The following COL19A1 variants were observed in gnomAD, a reference collection of about 807,000 sequenced individuals.
COL19A1 encodes collagen type XIX alpha 1 chain, also known as collagen alpha-1(XIX) chain.
In COL19A1, 159 loss-of-function variants were observed where a neutral mutation model predicts 190.2. The observed-to-expected ratio is 0.84, with a 90% CI of 0.73 to 0.95. The LOEUF (loss-of-function observed/expected upper bound fraction) is 0.95, where lower values mean the gene tolerates loss of function less well. Among genes scored for constraint, COL19A1 ranks in the 40% least tolerant of loss-of-function variants. COL19A1 has a pLI of 0.00. For synonymous variants in COL19A1, 509 were observed against 458.9 expected, an observed-to-expected ratio of 1.11 and a Z score of -1.39; for missense variants, 1,418 against 1,431.9, an observed-to-expected ratio of 0.99 and a Z score of 0.16.
intron 14 of COL19A1, among the ~76,000 whole-genome samples, chr6:70,050,381 A>T (rs1048584738): frequency 1.3e-5 from 2 of 152,062 alleles, no homozygotes; most frequent in South Asian, 2.1e-4. Context: ...CCTTCATCTT[A>T]AGAAAACTAT....
intron 12 of COL19A1, among the ~76,000 whole-genome samples, chr6:70,024,612 T>TGG (rs1562096104): frequency 2.3e-5 from 3 of 131,766 alleles, no homozygotes; most frequent in African/African-American, 8.0e-5. Context: ...TGTGTGTGTG[T>TGG]GTGGGTGTGT....
chr6:70,007,395 C>A (rs1354904620), intron 11 of COL19A1, among the ~76,000 whole-genome samples: 1 of 151,854 alleles, frequency 6.6e-6, no homozygotes, highest in Non-Finnish European at 1.5e-5. Context: ...CAAAGATGTA[C>A]TATGTAAAGA....
chr6:70,131,627 A>T (rs530449664), intron 18 of COL19A1, among the ~76,000 whole-genome samples: 8 of 152,324 alleles, frequency 5.3e-5, no homozygotes, highest in Non-Finnish European at 1.5e-5. Flanking sequence ...TAACCAACGC[A>T]TTACATTTTA....
chr6:70,081,859 TTGTC>T (rs1292830983), intron 15 of COL19A1, among the ~76,000 whole-genome samples: 2 of 146,868 alleles, frequency 1.4e-5, no homozygotes, highest in African/African-American at 5.1e-5. Flanking sequence ...ACTTGCTTAT[TTGTC>T]TGTTATCATC....
intron 46 of COL19A1, among the ~76,000 whole-genome samples, chr6:70,185,532 A>G (rs1766456126): frequency 6.6e-6 from 1 of 152,212 alleles, no homozygotes; most frequent in African/African-American, 2.4e-5. Context: ...TGAAGTTACT[A>G]GTAATGCCAA....
At chr6:69,942,740 A>ATGTGTGTGTGTGTG (rs35406948) in intron 9 of COL19A1, among the ~76,000 whole-genome samples, 19 of 146,586 alleles carry the variant, frequency 1.3e-4, no homozygotes, top group African/African-American at 4.3e-4. Context: ...CATTGTGTGT[A>ATGTGTGTGTGTGTG]TGTGTGTGTG....
At chr6:70,022,887 C>G (rs1308469861) in intron 11 of COL19A1, among the ~76,000 whole-genome samples, 1 of 152,098 alleles carries the variant, frequency 6.6e-6, no homozygotes, top group Non-Finnish European at 1.5e-5. Context: ...CTATAAATAG[C>G]ATTACACTCT....
At chr6:70,059,045 G>A (rs889960879) in intron 14 of COL19A1, among the ~76,000 whole-genome samples, 1 of 151,958 alleles carries the variant, frequency 6.6e-6, no homozygotes, top group Admixed American at 6.6e-5. Flanking sequence ...TGTAAAAACA[G>A]ATAAATTCTG....
At chr6:70,197,916 T>G (rs2150304892) in intron 48 of COL19A1, among the ~76,000 whole-genome samples, 1 of 152,392 alleles carries the variant, frequency 6.6e-6, no homozygotes, top group Admixed American at 6.5e-5. Flanking sequence ...GGCTTTTCTC[T>G]TAATAATTCT....
intron 36 of COL19A1, among the ~76,000 whole-genome samples, chr6:70,164,551 A>AC (rs1043009970): frequency 6.6e-6 from 1 of 152,150 alleles, no homozygotes; most frequent in African/African-American, 2.4e-5. Flanking sequence ...AGCTTGCCCA[A>AC]CCCCACTAGC....
intron 34 of COL19A1, among the ~76,000 whole-genome samples, chr6:70,157,556 C>T (rs994192996): frequency 6.6e-6 from 1 of 152,008 alleles, no homozygotes; most frequent in Admixed American, 6.6e-5. Context: ...TTATATTTTA[C>T]ATTACCAGTA....
chr6:70,104,003 C>T (rs1783800440), intron 16 of COL19A1, among the ~76,000 whole-genome samples: 1 of 152,134 alleles, frequency 6.6e-6, no homozygotes, highest in African/African-American at 2.4e-5. Flanking sequence ...TAGAGGGCCT[C>T]AACCCAGTAC....
At chr6:69,920,822 T>A in intron 4 of COL19A1, among the ~76,000 whole-genome samples, 1 of 150,314 alleles carries the variant, frequency 6.7e-6, no homozygotes. Context: ...AATTTTTATT[T>A]ATGACATTGA....
chr6:70,056,214 AC>A (rs1462550237), intron 14 of COL19A1, among the ~76,000 whole-genome samples: 1 of 152,160 alleles, frequency 6.6e-6, no homozygotes, highest in Non-Finnish European at 1.5e-5. Context: ...GGGATTTTAC[AC>A]ATCTAAAAAT....
intron 25 of COL19A1, among the ~76,000 whole-genome samples, chr6:70,146,012 TA>T (rs1409864231): frequency 2.0e-5 from 3 of 152,088 alleles, no homozygotes; most frequent in African/African-American, 7.2e-5. Flanking sequence ...TCTTACTCTA[TA>T]AATCAGAGAT....
chr6:70,139,377 T>C (rs1448145592), intron 19 of COL19A1, among the ~76,000 whole-genome samples: 1 of 152,032 alleles, frequency 6.6e-6, no homozygotes, highest in Admixed American at 6.6e-5. Context: ...TCAAGGGCAG[T>C]CCATGTATCT....
intron 15 of COL19A1, among the ~76,000 whole-genome samples, chr6:70,086,785 T>C (rs950339154): frequency 6.6e-6 from 1 of 151,508 alleles, no homozygotes; most frequent in African/African-American, 2.4e-5. Flanking sequence ...CTTTTTCTCA[T>C]TAGTACAAAC....
intron 11 of COL19A1, among the ~76,000 whole-genome samples, chr6:69,981,482 T>C (rs1247991878): frequency 6.6e-6 from 1 of 152,142 alleles, no homozygotes; most frequent in Non-Finnish European, 1.5e-5. Flanking sequence ...TGTGCATCTA[T>C]TGTAACTTAT....
At chr6:69,990,969 G>A (rs959996203) in intron 11 of COL19A1, among the ~76,000 whole-genome samples, 2 of 151,928 alleles carry the variant, frequency 1.3e-5, no homozygotes, top group African/African-American at 4.8e-5. Flanking sequence ...CAGGGGTTTG[G>A]TGTACAGATT....
Sources: allele counts gnomAD v4.1 joint callset (sites outside exome capture counted in the v4.1 genomes callset), GRCh38; gene constraint gnomAD v4.1.1; transcripts MANE v1.5; gene names NCBI Gene and HGNC (gene_info 2026-07-23, HGNC 2026-07-21).